SEC16B: variants seen among roughly 807,000 people sequenced by gnomAD.
The protein encoded by SEC16B is protein transport protein Sec16B.
SEC16B carries 115 observed loss-of-function variants against 141.8 expected under a neutral mutation model. The observed-to-expected ratio is 0.81, with a 90% CI of 0.70 to 0.95. The LOEUF (loss-of-function observed/expected upper bound fraction) is 0.95, where lower values mean the gene tolerates loss of function less well. Ranked by LOEUF, SEC16B falls within the 40% of genes least tolerant of loss-of-function variation. The pLI, the probability that SEC16B is intolerant of heterozygous loss-of-function variation, is 0.00. For synonymous variants in SEC16B, 493 were observed against 492.5 expected (o/e 1.00, Z -0.01); for missense variants, 1,291 against 1,312.3 (o/e 0.98, Z 0.25).
At chr1:177,968,253 A>C (rs917651566) in intron 1 of SEC16B, among the ~76,000 whole-genome samples, 6 of 152,236 alleles carry the variant, frequency 3.9e-5, no homozygotes, top group African/African-American at 1.4e-4. Flanking sequence ...TAAAAAATTA[A>C]AAAGTACATG....
Position 177,965,912 on chromosome 1 carries a change from C to G in SEC16B, c.393G>C (p.Gln131His). 2 of 1,592,258 alleles carry G rather than the reference C, an allele frequency of 1.3e-6. No individual in the cohort carries two copies. Among genetic ancestry groups the G allele is most frequent in the East Asian group, 4.5e-5 (2 of 44,364 alleles). ...CCATACCTCTTTCTTCCTGCAGCCACTGTGGGTGTCCATGATAGTAATAAC... is the reference window on the plus strand; with the variant it reads ...CCATACCTCTTTCTTCCTGCAGCCAGTGTGGGTGTCCATGATAGTAATAAC... ...YGSYYYHGHP[Q>H]WLQEERVPRQ... The change falls in exon 3 of 26, where the codon CAG (glutamine) becomes CAC (histidine). Residue 131 changes from glutamine (Q) to histidine (H), a missense_variant. Coordinates refer to ENST00000308284, the MANE Select transcript of SEC16B (RefSeq NM_033127.4).
At chr1:177,946,079 C>T (rs1651679479) in intron 14 of SEC16B, 1 of 551,940 alleles carries the variant, frequency 1.8e-6, no homozygotes, top group East Asian at 3.0e-5. Context: ...CACGGACCCA[C>T]AAGCCTCCAC....
chr1:177,958,112 T>A lies in SEC16B; in HGVS notation c.1365+20A>T, dbSNP rs1460604857. The A allele has an allele frequency of 1.4e-6, 2 of 1,452,288 alleles. No homozygotes were observed. The highest frequency in any genetic ancestry group is 3.3e-5 in the South Asian group (2 of 61,458). 90.0% of individuals were successfully genotyped at this position (1,452,288 alleles called of 1,614,324 possible). A position where few individuals can be genotyped will look rare whatever the true frequency, so the allele number is the denominator to read the frequency against. ...GGTGATTGCTTTTTCAAAATAAGTA[T>A]GGGGGAAGGGCATACTTGCCTTCTT... On this transcript the variant is annotated intron_variant, in intron 10 of 25. Coordinates refer to ENST00000308284, the MANE Select transcript of SEC16B (RefSeq NM_033127.4).
At chr1:177,940,382 T>C (rs1222385112) in intron 17 of SEC16B, among the ~76,000 whole-genome samples, 2 of 152,084 alleles carry the variant, frequency 1.3e-5, no homozygotes, top group Non-Finnish European at 2.9e-5. Context: ...CCGTGTCACA[T>C]GCGAACATAG....
chr1:177,947,389 C>T lies in SEC16B; in HGVS notation c.1663+436G>A, dbSNP rs148336634. Among the ~76,000 whole-genome samples the T allele has an allele frequency of 2.7e-3, 410 of 152,212 alleles. 6 individuals carry two copies. The highest frequency in any genetic ancestry group is 9.3e-3 in the African/African-American group (388 of 41,542). ...AACTGGGTCACTGAGAAATTTACAGCAACAGGAGGCAAGGTGTCCTATGCG... is the reference window on the plus strand; with the variant it reads ...AACTGGGTCACTGAGAAATTTACAGTAACAGGAGGCAAGGTGTCCTATGCG... On this transcript the variant is annotated intron_variant, in intron 13 of 25. Coordinates refer to ENST00000308284, the MANE Select transcript of SEC16B (RefSeq NM_033127.4).
intron 10 of SEC16B, among the ~76,000 whole-genome samples, chr1:177,956,657 GCT>G: frequency 6.6e-6 from 1 of 152,088 alleles, no homozygotes; most frequent in South Asian, 2.1e-4. Context: ...TCAAAATTAA[GCT>G]AGAAATCAAT....
At position 177,954,302 on chromosome 1, in the gene SEC16B, C is replaced by A; in HGVS notation, c.1440G>T (p.Gln480His). ...ALFLSSKMDPQTYSWVMSGFT... is the reference protein window; with the variant it reads ...ALFLSSKMDPHTYSWVMSGFT... ...ACCCACTCATGACCCAGCTGTAGGT[C>A]TGTGGGTCCATCTTGCTGGACAGGA... The change falls in exon 11 of 26, where the codon CAG becomes CAT. Residue 480 changes from glutamine to histidine, a missense_variant. This residue lies in a region of SEC16B where 681 missense variants were observed against 675.5 expected (regional missense o/e 1.01). Transcript: ENST00000308284. 6.4e-7 allele frequency: 1 copy of A among 1,568,584 alleles called. No individual in the cohort carries two copies. Among genetic ancestry groups the A allele is most frequent in the Non-Finnish European group, 8.7e-7 (1 of 1,155,840 alleles).
At chr1:177,944,293 G>A (rs553304441) in intron 15 of SEC16B, among the ~76,000 whole-genome samples, 9 of 152,286 alleles carry the variant, frequency 5.9e-5, no homozygotes, top group Non-Finnish European at 8.8e-5. Context: ...GGCACAGGCC[G>A]GGGCGGCAGG....
In SEC16B at chr1:177,946,232, T is replaced by C. The variant is rs932846143; in HGVS notation, c.1775+188A>G. On this transcript the variant is annotated intron_variant, in intron 14 of 25. Coordinates refer to ENST00000308284, the MANE Select transcript of SEC16B (RefSeq NM_033127.4). The stretch of plus-strand genomic sequence containing the variant: ...ACCTGTGGCCTGAGGCCCCCGCCAA[T>C]GCTGTAATGTGGGGCCCACGGGGCA... 6.1e-6 allele frequency: 4 copies of C among 650,958 alleles called. No individual in the cohort carries two copies. In the African/African-American group the frequency reaches 7.2e-5, roughly 12 times the overall value. The allele number at this position is 650,958 out of a possible 1,614,324, so 40.3% of individuals were successfully genotyped here.
intron 1 of SEC16B, among the ~76,000 whole-genome samples, chr1:177,976,827 CTTAATCCAA>C (rs1654185468): frequency 6.6e-6 from 1 of 152,096 alleles, no homozygotes; most frequent in Non-Finnish European, 1.5e-5. Context: ...CTCCTTGACA[CTTAATCCAA>C]TGCCCCCATT....
rs1445092350 is a variant in SEC16B, at chr1:177,949,273, C to T, written c.1546-1331G>A. On this transcript the variant is annotated intron_variant, in intron 12 of 25. Transcript: ENST00000308284. The stretch of plus-strand genomic sequence containing the variant: ...ATCCTGTGCTAAGCATTTCTCCTAC[C>T]AATAATCACATGTGCTAAGTCCTAT... 7.9e-5 allele frequency among the ~76,000 whole-genome samples: 12 copies of T among 151,938 alleles called. 1 individual carries two copies. The highest frequency in any genetic ancestry group is 7.9e-4 in the Admixed American group (12 of 15,248).
upstream of SEC16B, among the ~76,000 whole-genome samples, chr1:177,975,004 G>A (rs186310367): frequency 6.6e-6 from 1 of 152,318 alleles, no homozygotes. Context: ...GAACATAAGG[G>A]GACAGAAACC....
At chr1:177,973,747 C>A (rs1017567682), upstream of SEC16B, among the ~76,000 whole-genome samples, 2 of 152,146 alleles carry the variant, frequency 1.3e-5, no homozygotes, top group Non-Finnish European at 2.9e-5. Context: ...CCCAAAGAAG[C>A]TCTCAATTCA....
intron 13 of SEC16B, among the ~76,000 whole-genome samples, chr1:177,947,459 GC>G (rs1651797730): frequency 6.6e-6 from 1 of 152,092 alleles, no homozygotes; most frequent in South Asian, 2.1e-4. Context: ...TAGAAAATCA[GC>G]TGCTGAGAGG....
intron 1 of SEC16B, among the ~76,000 whole-genome samples, chr1:177,983,094 C>A (rs1259118863): frequency 6.6e-6 from 1 of 152,056 alleles, no homozygotes; most frequent in African/African-American, 2.4e-5. Flanking sequence ...AGCACCTGTC[C>A]CCGAATTGGA....
chr1:177,966,681 T>A (rs952887417), intron 2 of SEC16B, among the ~76,000 whole-genome samples: 2 of 152,048 alleles, frequency 1.3e-5, no homozygotes, highest in Admixed American at 1.3e-4. Flanking sequence ...TTCTCCCGTC[T>A]CTACCCAGGT....
chr1:177,950,285 C>T (rs900794100), intron 12 of SEC16B, among the ~76,000 whole-genome samples: 15 of 152,088 alleles, frequency 9.9e-5, no homozygotes, highest in Non-Finnish European at 1.5e-4. Context: ...CTCCATGTCC[C>T]GGGAAGCCAA....
intron 24 of SEC16B, among the ~76,000 whole-genome samples, chr1:177,931,592 A>G (rs1171366367): frequency 6.6e-6 from 1 of 152,210 alleles, no homozygotes; most frequent in Non-Finnish European, 1.5e-5. Flanking sequence ...AATGTTTTCA[A>G]AGAGAACCAT....
rs1430361173 is a variant in SEC16B at position 177,932,478 on chromosome 1, G to C, written c.3012+12C>G. 7 of 1,523,552 alleles carry C rather than the reference G, an allele frequency of 4.6e-6. No homozygotes were observed. The highest frequency in any genetic ancestry group is 1.4e-5 in the African/African-American group (1 of 72,062). 94.4% of individuals were successfully genotyped at this position (1,523,552 alleles called of 1,614,324 possible). On this transcript the variant is annotated intron_variant, in intron 24 of 25. Transcript: ENST00000308284. The stretch of plus-strand genomic sequence containing the variant: ...CTGGGGTCCGAGGCTCCAGCCCAGG[G>C]GGGCCGCTTACCTCTGGTCCAGACA...
Sources: gnomAD v4.1 joint callset for allele counts (sites outside exome capture counted in the v4.1 genomes callset) on GRCh38, gnomAD v4.1.1 for gene constraint, gnomAD v4.1.1 regional missense constraint, MANE v1.5 for transcripts, NCBI Gene and HGNC (gene_info 2026-07-23, HGNC 2026-07-21) for gene names.